NAALADL2: variants seen among roughly 807,000 people sequenced by gnomAD.
The protein encoded by NAALADL2 is N-acetylated alpha-linked acidic dipeptidase like 2.
NAALADL2 carries 76 observed loss-of-function variants against 87.2 expected under a neutral mutation model. The ratio of observed to expected loss-of-function variants is 0.87; its 90% CI spans 0.72 to 1.05. The LOEUF is 1.05. NAALADL2 is among the 50% of genes least tolerant of loss of function. The pLI is 0.00. For missense variants in NAALADL2, 1,089 were observed against 945.8 expected, an observed-to-expected ratio of 1.15 and a Z score of -1.99; for synonymous variants, 354 against 331.0, an observed-to-expected ratio of 1.07 and a Z score of -0.75.
intron 3 of NAALADL2, among the ~76,000 whole-genome samples, chr3:174,745,160 C>A (rs763355834): frequency 2.0e-5 from 3 of 151,886 alleles, no homozygotes; most frequent in Non-Finnish European, 4.4e-5. Context: ...AGTCCAGGAG[C>A]TGGTTTTTGA....
At chr3:174,690,824 T>C (rs550155090) in intron 2 of NAALADL2, among the ~76,000 whole-genome samples, 2 of 152,178 alleles carry the variant, frequency 1.3e-5, no homozygotes, top group Non-Finnish European at 2.9e-5. Flanking sequence ...TTTTTAAAAG[T>C]ACAAACCTAT....
At chr3:175,740,802 G>C (rs6778678) in intron 12 of NAALADL2, among the ~76,000 whole-genome samples, 41,184 of 152,030 alleles carry the variant, frequency 0.27, 6,018 homozygotes, top group African/African-American at 0.38. Flanking sequence ...TGTTCTTTCA[G>C]CACTTTACTT....
intron 4 of NAALADL2, 123 bp from the exon 5 acceptor site, chr3:175,324,052 A>G: frequency 1.3e-6 from 1 of 754,344 alleles, no homozygotes; most frequent in Non-Finnish European, 2.1e-6. Context: ...AAGAAAAAGA[A>G]AAAGAAAAAG....
intron 2 of NAALADL2, among the ~76,000 whole-genome samples, chr3:174,644,548 A>AT (rs1723587116): frequency 6.6e-6 from 1 of 151,954 alleles, no homozygotes; most frequent in Non-Finnish European, 1.5e-5. Flanking sequence ...GTTTAAACCC[A>AT]TGCAGTTTAA....
chr3:174,726,869 A>C (rs894021134), intron 2 of NAALADL2, among the ~76,000 whole-genome samples: 14 of 152,120 alleles, frequency 9.2e-5, no homozygotes, highest in African/African-American at 3.4e-4. Context: ...CTAGCTAGAC[A>C]GTTGCAATAG....
chr3:175,650,803 A>C (rs1582773700), intron 11 of NAALADL2, among the ~76,000 whole-genome samples: 1 of 152,328 alleles, frequency 6.6e-6, no homozygotes, highest in East Asian at 1.9e-4. Context: ...CTTGACATCC[A>C]GATCATCTGT....
chr3:175,283,974 G>C (rs1754653899), intron 4 of NAALADL2, among the ~76,000 whole-genome samples: 1 of 139,676 alleles, frequency 7.2e-6, no homozygotes, highest in Non-Finnish European at 1.6e-5. Flanking sequence ...TTTATAAACA[G>C]GAAAAAAAAT....
chr3:174,925,001 T>A (rs1735784317), intron 1 of NAALADL2, among the ~76,000 whole-genome samples: 1 of 152,294 alleles, frequency 6.6e-6, no homozygotes, highest in Admixed American at 6.5e-5. Flanking sequence ...TTGCAAAAAT[T>A]TTCTCCCATT....
chr3:175,129,248 A>G (rs1464345042), intron 2 of NAALADL2, among the ~76,000 whole-genome samples: 1 of 152,062 alleles, frequency 6.6e-6, no homozygotes, highest in African/African-American at 2.4e-5. Context: ...TCCTGCCACC[A>G]AAGTCGAATT....
rs150906568 is a variant in NAALADL2, at chr3:174,765,143, C to CACATGA, written c.-9+27397_-9+27398insACATGA. On this transcript the variant is annotated intron_variant, in intron 3 of 3. Coordinates refer to the NAALADL2 transcript ENST00000434257. ...ACACATACACACACACACACACACA[C>CACATGA]GAGAGAGAGAGAGAGAGAGAGAGAG... Among the ~76,000 whole-genome samples, 950 of 124,628 alleles carry CACATGA rather than the reference C, an allele frequency of 7.6e-3. 12 individuals are homozygous for CACATGA. The highest frequency in any genetic ancestry group is 0.034 in the Middle Eastern group (8 of 236). The allele number at this position is 124,628 out of a possible 152,430, so 81.8% of individuals were successfully genotyped here.
At chr3:175,648,260 T>C (rs572490121) in intron 11 of NAALADL2, among the ~76,000 whole-genome samples, 21 of 152,268 alleles carry the variant, frequency 1.4e-4, no homozygotes, top group Middle Eastern at 6.8e-3. Context: ...CCCTTGGTTT[T>C]CTCATCTGTA....
intron 2 of NAALADL2, among the ~76,000 whole-genome samples, chr3:174,683,650 G>A (rs1185942023): frequency 1.3e-5 from 2 of 151,552 alleles, no homozygotes; most frequent in Non-Finnish European, 3.0e-5. Flanking sequence ...GTGTGTGTGT[G>A]TGTGTGTGTG....
intron 2 of NAALADL2, among the ~76,000 whole-genome samples, chr3:175,115,405 C>CAT (rs1724948045): frequency 7.4e-6 from 1 of 135,314 alleles, no homozygotes; most frequent in Non-Finnish European, 1.6e-5. Flanking sequence ...TGACAATTAG[C>CAT]ATATATATAA....
intron 3 of NAALADL2, among the ~76,000 whole-genome samples, chr3:174,844,835 G>GT (rs781333758): frequency 0.053 from 1,878 of 35,398 alleles, 538 homozygotes; most frequent in East Asian, 0.13. Flanking sequence ...AGTTCTAATG[G>GT]TTTTTTTTTT....
intron 10 of NAALADL2, among the ~76,000 whole-genome samples, chr3:175,586,922 G>T (rs939700370): frequency 8.5e-5 from 13 of 152,128 alleles, no homozygotes; most frequent in Non-Finnish European, 4.4e-5. Flanking sequence ...AGGGTGCTTT[G>T]TCTCCCACTA....
chr3:174,872,836 A>G (rs1342597921), intron 1 of NAALADL2, among the ~76,000 whole-genome samples: 1 of 152,132 alleles, frequency 6.6e-6, no homozygotes, highest in Non-Finnish European at 1.5e-5. Context: ...AAGGTATGGT[A>G]GTTTCTCTTT....
intron 3 of NAALADL2, among the ~76,000 whole-genome samples, chr3:174,844,267 C>T (rs1190782298): frequency 6.6e-6 from 1 of 152,118 alleles, no homozygotes; most frequent in Non-Finnish European, 1.5e-5. Context: ...CCAATTTGCC[C>T]TATTGGTACC....
intron 11 of NAALADL2, among the ~76,000 whole-genome samples, chr3:175,688,787 G>T (rs1265712107): frequency 1.3e-5 from 2 of 152,118 alleles, no homozygotes; most frequent in Non-Finnish European, 1.5e-5. Context: ...CTCCTATAAG[G>T]TACCTGAAGA....
At chr3:174,879,909 G>A (rs1478468461) in intron 1 of NAALADL2, among the ~76,000 whole-genome samples, 2 of 151,886 alleles carry the variant, frequency 1.3e-5, no homozygotes, top group South Asian at 4.2e-4. Flanking sequence ...CTTGATCTAT[G>A]AGCAACACTT....
Sources: gnomAD v4.1 joint callset for allele counts (sites outside exome capture counted in the v4.1 genomes callset) on GRCh38, gnomAD v4.1.1 for gene constraint, MANE v1.5 for transcripts, NCBI Gene and HGNC (gene_info 2026-07-23, HGNC 2026-07-21) for gene names.